The following PALD1 variants were observed in gnomAD, a reference collection of about 807,000 sequenced individuals.
PALD1 encodes the protein paladin.
PALD1 carries 57 observed loss-of-function variants against 96.0 expected under a neutral mutation model. The ratio of observed to expected loss-of-function variants is 0.59; its 90% CI spans 0.48 to 0.74. The LOEUF (loss-of-function observed/expected upper bound fraction) is 0.74, where lower values mean the gene tolerates loss of function less well. Among genes scored for constraint, PALD1 ranks in the 30% least tolerant of loss-of-function variants. PALD1 has a pLI of 0.00. For missense variants in PALD1, 1,063 were observed against 1,143.7 expected, an observed-to-expected ratio of 0.93 and a Z score of 1.02; for synonymous variants, 464 against 473.6, an observed-to-expected ratio of 0.98 and a Z score of 0.26.
Position 70,566,581 on chromosome 10 carries a change from G to T in PALD1, c.2419G>T (p.Val807Leu). Reference sequence around the variant, plus strand: ...GCTCCTGCCTCTGCTCTCCTCCCAGGTGGCATCGAAGGCTGGCATCTACGA... The same window carrying T: ...GCTCCTGCCTCTGCTCTCCTCCCAGTTGGCATCGAAGGCTGGCATCTACGA... ...QRPFSTWMQE[V>L]ASKAGIYEIL... Residue 807 changes from valine (V) to leucine (L), a missense_variant and splice_region_variant, in exon 20 of 20, where the codon GTG becomes TTG. By Grantham distance (32) the Val-to-Leu change is conservative. Coordinates refer to ENST00000263563, the MANE Select transcript of PALD1 (RefSeq NM_014431.3). 1 of 1,607,168 alleles carries T rather than the reference G, an allele frequency of 6.2e-7. No individual in the cohort carries two copies.
chr10:70,468,169 T>C, the PALD1 span, among the ~76,000 whole-genome samples: 4 of 152,132 alleles, frequency 2.6e-5, no homozygotes, highest in South Asian at 2.1e-4. Flanking sequence ...ATGGCCCTTA[T>C]GGAGCCTGGC....
intron 18 of PALD1, among the ~76,000 whole-genome samples, chr10:70,562,463 C>T (rs994237744): frequency 1.3e-5 from 2 of 152,214 alleles, no homozygotes; most frequent in African/African-American, 2.4e-5. Context: ...TCTGAGGCCG[C>T]AGAGCCCACC....
chr10:70,526,854 TG>T (rs1401653802), intron 2 of PALD1, among the ~76,000 whole-genome samples: 3 of 152,162 alleles, frequency 2.0e-5, no homozygotes, highest in Non-Finnish European at 4.4e-5. Flanking sequence ...TCTTCCAGGA[TG>T]CAGGAAGCAG....
At chr10:70,560,247 C>G (rs142372709) in intron 18 of PALD1, among the ~76,000 whole-genome samples, 1 of 152,038 alleles carries the variant, frequency 6.6e-6, no homozygotes, top group South Asian at 2.1e-4. Flanking sequence ...CCCGACCAGG[C>G]AGGAGGAACA....
At chr10:70,488,162 C>T (rs891660273) in intron 1 of PALD1, among the ~76,000 whole-genome samples, 2 of 152,108 alleles carry the variant, frequency 1.3e-5, no homozygotes, top group African/African-American at 4.8e-5. Flanking sequence ...TTTCCTGTTG[C>T]CCAGGCTGCA....
Position 70,539,753 on chromosome 10 carries a change from C to A in PALD1, c.1899C>A (p.Pro633=). 3 of 1,610,018 alleles carry A rather than the reference C, an allele frequency of 1.9e-6. No homozygotes were observed. Among genetic ancestry groups the A allele is most frequent in the Non-Finnish European group, 2.5e-6 (3 of 1,178,994 alleles). ...TCCCCATGCCGGACTTCTGTGCCCC[C>A]CGAGAGGAGGTGAGGGTGCTGCTCA... The part of the protein sequence containing the change: ...HRIPMPDFCA[P]REEDFDQLLE... Residue 633 remains proline, a synonymous_variant, in exon 15 of 20, where the codon CCC becomes CCA. Transcript: ENST00000263563. The surrounding 1 kb of genome is among the most constrained non-coding windows in gnomAD (Gnocchi z 4.5).
rs1166164321 is a variant in PALD1 at position 70,541,659 on chromosome 10, C to A, written c.2121+125C>A. On this transcript the variant is annotated intron_variant, in intron 17 of 19. Coordinates refer to ENST00000263563, the MANE Select transcript of PALD1 (RefSeq NM_014431.3). The stretch of plus-strand genomic sequence containing the variant: ...AGTCACGTCTGCCACCTCATCATAT[C>A]AGTGCTTCCCTGTTCCCATTTTATA... 4 of 705,528 alleles carry A rather than the reference C, an allele frequency of 5.7e-6. No individual in the cohort carries two copies. The East Asian group carries it at 8.1e-5, about 14-fold the overall frequency. The allele number at this position is 705,528 out of a possible 1,614,324, so 43.7% of individuals were successfully genotyped here.
chr10:70,474,660 G>T (rs1448854310), upstream of PALD1, among the ~76,000 whole-genome samples: 1 of 152,158 alleles, frequency 6.6e-6, no homozygotes, highest in Non-Finnish European at 1.5e-5. Flanking sequence ...GGTGTAAAAT[G>T]TATTTCTTAC....
intron 12 of PALD1, 56 bp downstream of exon 12, chr10:70,538,464 C>T: frequency 6.4e-7 from 1 of 1,557,594 alleles, no homozygotes; most frequent in African/African-American, 1.4e-5. Context: ...GCCCTGGCCC[C>T]TAAACACTGG....
chr10:70,541,218 T>A lies in PALD1; in HGVS notation c.2025T>A (p.Ala675=). Residue 675 remains alanine, a synonymous_variant, in exon 16 of 20, where the codon GCT becomes GCA. Coordinates refer to ENST00000263563, the MANE Select transcript of PALD1 (RefSeq NM_014431.3). ...GTACCACAACTGCGATGGTGGTGGC[T>A]GTCCTGGCCTTCTGGCACATCCAAG... is the stretch of plus-strand genomic sequence containing the variant. The part of the protein sequence containing the change: ...QGRTTTAMVV[A]VLAFWHIQGF... The A allele has an allele frequency of 6.2e-7, 1 of 1,608,858 alleles. No individual in the cohort carries two copies.
At chr10:70,499,953 AGCT>A (rs1846263432) in intron 1 of PALD1, among the ~76,000 whole-genome samples, 1 of 152,212 alleles carries the variant, frequency 6.6e-6, no homozygotes, top group Non-Finnish European at 1.5e-5. Flanking sequence ...GTCACGCTCC[AGCT>A]GTGACACTCA....
intron 1 of PALD1, among the ~76,000 whole-genome samples, chr10:70,513,008 C>G (rs535446424): frequency 5.3e-5 from 8 of 152,168 alleles, no homozygotes; most frequent in African/African-American, 1.9e-4. Context: ...CTCCTGAGAC[C>G]GACCCCTTTT....
intron 18 of PALD1, among the ~76,000 whole-genome samples, chr10:70,555,860 G>A (rs1847598577): frequency 6.6e-6 from 1 of 152,136 alleles, no homozygotes; most frequent in African/African-American, 2.4e-5. Context: ...AATTAGCCGC[G>A]CGAGGTGGCG....
rs1847210973 is a variant in PALD1 at position 70,540,073 on chromosome 10, TATG to T, written c.1908+312_1908+314del. On this transcript the variant is annotated intron_variant, in intron 15 of 19. Coordinates refer to ENST00000263563, the MANE Select transcript of PALD1 (RefSeq NM_014431.3). This position sits in a 1 kb window ranked among gnomAD's most constrained non-coding sequence, Gnocchi z 4.2. ...ATAAGATGTGTGTACATGTGTTTAT[TATG>T]TTGTAGGGTGTATGTGTGTGTATTG... Among the ~76,000 whole-genome samples, 1 of 152,040 alleles carries T rather than the reference TATG, an allele frequency of 6.6e-6. No individual in the cohort carries two copies. The highest frequency in any genetic ancestry group is 6.6e-5 in the Admixed American group (1 of 15,264).
intron 1 of PALD1, among the ~76,000 whole-genome samples, chr10:70,507,449 G>C (rs1846413876): frequency 6.6e-6 from 1 of 152,186 alleles, no homozygotes; most frequent in East Asian, 1.9e-4. Context: ...TTTAGAGACA[G>C]GGTCTTGCTC....
chr10:70,478,213 G>C (rs951638423), upstream of PALD1, among the ~76,000 whole-genome samples: 1 of 152,214 alleles, frequency 6.6e-6, no homozygotes, highest in East Asian at 1.9e-4. Flanking sequence ...CCCCTGCTTG[G>C]GGGGACCGTC....
At chr10:70,487,130 ATTTTTTTTTTTT>A (rs10669002) in intron 1 of PALD1, among the ~76,000 whole-genome samples, 1 of 110,424 alleles carries the variant, frequency 9.1e-6, no homozygotes, top group Non-Finnish European at 1.8e-5. Context: ...TCTGAGCCCA[ATTTTTTTTTTTT>A]TTTTTTTTTG....
In PALD1 at chr10:70,541,205, C is replaced by T. The variant is rs140422062; in HGVS notation, c.2012C>T (p.Ala671Val). The change falls in exon 16 of 20, where the codon GCG becomes GTG. Residue 671 changes from alanine to valine, a missense_variant. Physicochemically the swap from Ala to Val is moderately conservative, Grantham distance 64. Transcript: ENST00000263563. ...CLSGQGRTTT[A>V]MVVAVLAFWH... is the part of the protein sequence containing the mutation. The stretch of plus-strand genomic sequence containing the variant: ...AGCGGCCAGGGCCGTACCACAACTG[C>T]GATGGTGGTGGCTGTCCTGGCCTTC... 8.1e-5 allele frequency: 130 copies of T among 1,613,462 alleles called. No individual in the cohort carries two copies. Among genetic ancestry groups the T allele is most frequent in the African/African-American group, 6.5e-4 (49 of 75,036 alleles).
At position 70,539,713 on chromosome 10, in the gene PALD1, T is replaced by C. The variant is rs1458118890; in HGVS notation, c.1859T>C (p.Leu620Pro). 3.7e-6 allele frequency: 6 copies of C among 1,612,798 alleles called. No individual in the cohort carries two copies. Among genetic ancestry groups the C allele is most frequent in the Non-Finnish European group, 5.1e-6 (6 of 1,179,592 alleles). The change falls in exon 15 of 20, where the codon CTC (leucine) becomes CCC (proline). Residue 620 changes from leucine (L) to proline (P), a missense_variant. By Grantham distance (98) the Leu-to-Pro change is moderately conservative. Transcript: ENST00000263563. This position sits in a 1 kb window ranked among gnomAD's most constrained non-coding sequence, Gnocchi z 4.5. ...CAGCACCGCAGGGCCTGTCCTGGCC[T>C]CACCTACCACCGCATCCCCATGCCG... ...FSQHRRACPG[L>P]TYHRIPMPDF... is the part of the protein sequence containing the mutation.
Sources: allele counts gnomAD v4.1 joint callset (sites outside exome capture counted in the v4.1 genomes callset), GRCh38; gene constraint gnomAD v4.1.1; non-coding constraint Gnocchi (gnomAD v3.1); transcripts MANE v1.5; gene names NCBI Gene and HGNC (gene_info 2026-07-23, HGNC 2026-07-21).